Variants in NRXN3 observed in about 807,000 individuals in gnomAD.
The protein encoded by NRXN3 is neurexin 3.
Under a neutral mutation model 137.6 loss-of-function variants are expected in NRXN3, and 32 were observed. The ratio of observed to expected loss-of-function variants is 0.23; its 90% CI spans 0.18 to 0.31. The LOEUF (loss-of-function observed/expected upper bound fraction) is 0.31, where lower values mean the gene tolerates loss of function less well. Ranked by LOEUF, NRXN3 falls within the 10% of genes least tolerant of loss-of-function variation. NRXN3 has a pLI of 1.00. For synonymous variants in NRXN3, 798 were observed against 784.5 expected (o/e 1.02, Z -0.29); for missense variants, 1,574 against 2,062.5 (o/e 0.76, Z 4.59).
rs10144141 is a variant in NRXN3, at chr14:79,360,281, A to G, written c.3263-106940A>G. 2.7e-3 allele frequency among the ~76,000 whole-genome samples: 403 copies of G among 151,526 alleles called. 2 individuals are homozygous for G. The highest frequency in any genetic ancestry group is 9.0e-3 in the African/African-American group (375 of 41,448). ...TCTCTTTTAAGTCACATCTTTAAGGATATGAGGATAAGGCAGAGGGTCAGG... is the reference window on the plus strand; with the variant it reads ...TCTCTTTTAAGTCACATCTTTAAGGGTATGAGGATAAGGCAGAGGGTCAGG... On this transcript the variant is annotated intron_variant, in intron 15 of 20. Transcript: ENST00000335750.
intron 10 of NRXN3, among the ~76,000 whole-genome samples, chr14:78,926,092 T>C (rs1425903907): frequency 6.6e-6 from 1 of 152,162 alleles, no homozygotes; most frequent in African/African-American, 2.4e-5. Context: ...CTACCTCTTT[T>C]TGACTCCAAA....
chr14:78,943,676 A>ATATATC (rs2099359639), intron 10 of NRXN3, among the ~76,000 whole-genome samples: 3 of 108,060 alleles, frequency 2.8e-5, no homozygotes, highest in Non-Finnish European at 3.9e-5. Context: ...ATATATATAT[A>ATATATC]TATCTCAAAG....
chr14:78,399,418 G>A (rs1283055373), intron 4 of NRXN3, among the ~76,000 whole-genome samples: 1 of 152,128 alleles, frequency 6.6e-6, no homozygotes, highest in Non-Finnish European at 1.5e-5. Context: ...AAACACCAAA[G>A]CATTTGATAA....
At chr14:78,593,748 A>C (rs1383570136) in intron 4 of NRXN3, among the ~76,000 whole-genome samples, 2 of 152,092 alleles carry the variant, frequency 1.3e-5, no homozygotes, top group Admixed American at 1.3e-4. Flanking sequence ...ACCTGGTTTA[A>C]AGAGGCTTAA....
At chr14:79,729,576 T>C (rs117522846) in intron 19 of NRXN3, among the ~76,000 whole-genome samples, 3,492 of 152,294 alleles carry the variant, frequency 0.023, 63 homozygotes, top group Non-Finnish European at 0.035. Flanking sequence ...ACAGAGATTC[T>C]GGGTGAAATC....
chr14:79,466,458 C>T (rs141977164), intron 15 of NRXN3, among the ~76,000 whole-genome samples: 3,748 of 151,978 alleles, frequency 0.025, 74 homozygotes, highest in South Asian at 0.062. Context: ...CGTGGTGGCA[C>T]GTGCCTGTAG....
intron 15 of NRXN3, among the ~76,000 whole-genome samples, chr14:79,418,080 G>A (rs1006047787): frequency 2.6e-5 from 4 of 152,042 alleles, no homozygotes; most frequent in Non-Finnish European, 5.9e-5. Context: ...TAAAGATAAA[G>A]AAAGAAAGAA....
intron 4 of NRXN3, among the ~76,000 whole-genome samples, chr14:78,437,060 G>A (rs1003579923): frequency 6.6e-6 from 1 of 152,144 alleles, no homozygotes; most frequent in Non-Finnish European, 1.5e-5. Context: ...TTGGAAAATG[G>A]AGTAAATAAT....
chr14:79,704,787 C>G (rs1433277866), intron 19 of NRXN3, among the ~76,000 whole-genome samples: 1 of 152,076 alleles, frequency 6.6e-6, no homozygotes, highest in African/African-American at 2.4e-5. Flanking sequence ...AGAAATTGCA[C>G]TCTAATTTAC....
At chr14:78,872,670 A>T (rs2099104368) in intron 10 of NRXN3, among the ~76,000 whole-genome samples, 2 of 152,134 alleles carry the variant, frequency 1.3e-5, no homozygotes, top group African/African-American at 4.8e-5. Flanking sequence ...ATAGGTGGGG[A>T]TCTACCCATT....
At chr14:78,367,434 A>G (rs1170545835) in intron 4 of NRXN3, among the ~76,000 whole-genome samples, 1 of 152,208 alleles carries the variant, frequency 6.6e-6, no homozygotes, top group Non-Finnish European at 1.5e-5. Flanking sequence ...GAAGCAGCCC[A>G]ATACTTAACA....
chr14:78,344,155 C>T (rs982875139), intron 4 of NRXN3, among the ~76,000 whole-genome samples: 1 of 152,188 alleles, frequency 6.6e-6, no homozygotes, highest in Non-Finnish European at 1.5e-5. Context: ...TGAAGCCCAC[C>T]TCTCTACTTC....
intron 4 of NRXN3, among the ~76,000 whole-genome samples, chr14:78,566,380 GTT>G (rs11295522): frequency 0.015 from 2,265 of 146,194 alleles, 45 homozygotes; most frequent in African/African-American, 0.053. Context: ...TAAAATGTTG[GTT>G]TTTTTTTTTT....
chr14:78,669,230 T>G (rs1260118098), intron 6 of NRXN3, among the ~76,000 whole-genome samples: 1 of 151,880 alleles, frequency 6.6e-6, no homozygotes, highest in African/African-American at 2.4e-5. Context: ...CATAGAGAAC[T>G]AATAATAAGC....
intron 14 of NRXN3, among the ~76,000 whole-genome samples, chr14:78,985,935 A>G (rs1224934435): frequency 6.6e-6 from 1 of 152,178 alleles, no homozygotes; most frequent in African/African-American, 2.4e-5. Flanking sequence ...GAGCTGCAGA[A>G]AGCCAGCAGC....
chr14:79,493,105 A>C (rs985801921), intron 16 of NRXN3, among the ~76,000 whole-genome samples: 1 of 152,234 alleles, frequency 6.6e-6, no homozygotes, highest in Non-Finnish European at 1.5e-5. Context: ...AAGTTGGGAC[A>C]CAGAAGTTGG....
At chr14:78,181,906 A>G (rs1375637345) in intron 1 of NRXN3, among the ~76,000 whole-genome samples, 3 of 152,142 alleles carry the variant, frequency 2.0e-5, no homozygotes, top group African/African-American at 4.8e-5. Flanking sequence ...TTAAACACCT[A>G]TTATATGCAG....
chr14:78,743,490 T>C (rs975130815), intron 8 of NRXN3, among the ~76,000 whole-genome samples: 1 of 152,248 alleles, frequency 6.6e-6, no homozygotes, highest in African/African-American at 2.4e-5. Flanking sequence ...ATTCCTTTTG[T>C]GCAGAATTTC....
intron 4 of NRXN3, among the ~76,000 whole-genome samples, chr14:78,640,060 T>C (rs2097606483): frequency 6.6e-6 from 1 of 152,196 alleles, no homozygotes; most frequent in African/African-American, 2.4e-5. Flanking sequence ...TTGCCTTTGG[T>C]CTTTGGCTTT....
Sources: allele counts gnomAD v4.1 joint callset (sites outside exome capture counted in the v4.1 genomes callset), GRCh38; gene constraint gnomAD v4.1.1; transcripts MANE v1.5; gene names NCBI Gene and HGNC (gene_info 2026-07-23, HGNC 2026-07-21).